CHST9: variants seen among roughly 807,000 people sequenced by gnomAD.
The protein encoded by CHST9 is GalNAc-4-sulfotransferase 2.
In CHST9, 41 loss-of-function variants were observed where a neutral mutation model predicts 44.4. The observed-to-expected ratio is 0.92, with a 90% CI of 0.72 to 1.20. The LOEUF (loss-of-function observed/expected upper bound fraction) is 1.20, where lower values mean the gene tolerates loss of function less well. CHST9 is among the 50% of genes most tolerant of loss of function. CHST9 has a pLI of 0.00. For synonymous variants in CHST9, 171 were observed against 178.4 expected (o/e 0.96, Z 0.33); for missense variants, 504 against 516.5 (o/e 0.98, Z 0.23).
At chr18:27,025,824 G>A (rs1410077102) in intron 3 of CHST9, among the ~76,000 whole-genome samples, 2 of 152,108 alleles carry the variant, frequency 1.3e-5, no homozygotes, top group African/African-American at 4.8e-5. Context: ...TCATGGCTTA[G>A]TGATAAGAAT....
chr18:26,965,759 T>A (rs986677409), intron 4 of CHST9, among the ~76,000 whole-genome samples: 1 of 152,134 alleles, frequency 6.6e-6, no homozygotes, highest in African/African-American at 2.4e-5. Context: ...GAGTTAAGGG[T>A]AAGAAGATCT....
chr18:27,149,292 T>C (rs946369269), intron 1 of CHST9, among the ~76,000 whole-genome samples: 30 of 152,080 alleles, frequency 2.0e-4, no homozygotes, highest in African/African-American at 7.2e-4. Context: ...TTAGCTTTTG[T>C]TGCCATTGCT....
At chr18:27,043,617 C>A (rs2057468761) in intron 3 of CHST9, among the ~76,000 whole-genome samples, 1 of 151,986 alleles carries the variant, frequency 6.6e-6, no homozygotes, top group Admixed American at 6.6e-5. Flanking sequence ...AGTAAAGACA[C>A]CTCAGACCTT....
chr18:27,011,093 C>T (rs551483191), intron 4 of CHST9, among the ~76,000 whole-genome samples: 3 of 152,076 alleles, frequency 2.0e-5, no homozygotes, highest in Non-Finnish European at 4.4e-5. Context: ...ATAAGGAGGA[C>T]TTGAAGCCAC....
intron 4 of CHST9, among the ~76,000 whole-genome samples, chr18:27,014,926 T>C (rs1424174376): frequency 6.6e-6 from 1 of 152,172 alleles, no homozygotes; most frequent in Non-Finnish European, 1.5e-5. Flanking sequence ...TTTTTGCTTA[T>C]TTCTTTATCA....
At chr18:26,996,283 T>C (rs539040310) in intron 4 of CHST9, among the ~76,000 whole-genome samples, 44 of 152,298 alleles carry the variant, frequency 2.9e-4, no homozygotes, top group African/African-American at 1.0e-3. Context: ...ATTGGAAGGC[T>C]TTAGACACAC....
chr18:27,164,203 A>C (rs2058771780), intron 1 of CHST9, among the ~76,000 whole-genome samples: 1 of 152,198 alleles, frequency 6.6e-6, no homozygotes, highest in Non-Finnish European at 1.5e-5. Flanking sequence ...AAACAAAACA[A>C]AGTAAAACCA....
chr18:26,989,901 G>C, intron 4 of CHST9, among the ~76,000 whole-genome samples: 1 of 152,162 alleles, frequency 6.6e-6, no homozygotes, highest in Admixed American at 6.5e-5. Flanking sequence ...AGTGAGCCAA[G>C]ATCATGCCAC....
At chr18:27,132,322 G>A (rs1014673225) in intron 2 of CHST9, among the ~76,000 whole-genome samples, 3 of 152,160 alleles carry the variant, frequency 2.0e-5, no homozygotes, top group Non-Finnish European at 2.9e-5. Flanking sequence ...ACAAAATACT[G>A]TATTGCAAAA....
At chr18:27,111,144 C>G (rs2058267617) in intron 2 of CHST9, among the ~76,000 whole-genome samples, 1 of 152,176 alleles carries the variant, frequency 6.6e-6, no homozygotes. Flanking sequence ...GAGAACAAAC[C>G]TTATTTGTAG....
chr18:27,142,640 A>G, intron 2 of CHST9, 49 bp downstream of exon 2: 1 of 1,310,766 alleles, frequency 7.6e-7, no homozygotes, highest in Non-Finnish European at 1.0e-6. Context: ...TAATTTAAAA[A>G]TAGCTATTAT....
chr18:27,013,195 A>G (rs938354668), intron 4 of CHST9, among the ~76,000 whole-genome samples: 1 of 152,250 alleles, frequency 6.6e-6, no homozygotes, highest in Non-Finnish European at 1.5e-5. Context: ...AGTGGTATCC[A>G]TAGTTTCTCA....
At chr18:27,122,919 T>C (rs182666056) in intron 2 of CHST9, among the ~76,000 whole-genome samples, 2 of 152,288 alleles carry the variant, frequency 1.3e-5, no homozygotes, top group African/African-American at 4.8e-5. Flanking sequence ...GAAGGAAACT[T>C]GAACAACTCC....
chr18:26,941,210 C>T (rs1054336237), intron 5 of CHST9, among the ~76,000 whole-genome samples: 3 of 152,242 alleles, frequency 2.0e-5, no homozygotes, highest in African/African-American at 7.2e-5. Context: ...TGAGGGCAAG[C>T]GTTTCTCGTA....
intron 4 of CHST9, among the ~76,000 whole-genome samples, chr18:27,000,861 T>C (rs1346072068): frequency 6.6e-6 from 1 of 152,178 alleles, no homozygotes; most frequent in Admixed American, 6.5e-5. Context: ...TTTCCAAAGT[T>C]GTGTATATAG....
chr18:27,172,957 G>A (rs1032712089), intron 1 of CHST9, among the ~76,000 whole-genome samples: 4 of 151,858 alleles, frequency 2.6e-5, no homozygotes, highest in Non-Finnish European at 5.9e-5. Flanking sequence ...ATATCTGCAG[G>A]AGCCCTAAAT....
chr18:27,026,048 T>C (rs2057281598), intron 3 of CHST9, among the ~76,000 whole-genome samples: 1 of 152,222 alleles, frequency 6.6e-6, no homozygotes, highest in Non-Finnish European at 1.5e-5. Context: ...AATATTGCTT[T>C]TAAGCTATCT....
At chr18:27,010,263 T>C (rs1188378485) in intron 4 of CHST9, among the ~76,000 whole-genome samples, 1 of 152,194 alleles carries the variant, frequency 6.6e-6, no homozygotes, top group Non-Finnish European at 1.5e-5. Flanking sequence ...GTCACTCTCA[T>C]GGTCTATGTT....
At chr18:27,063,130 AGG>A (rs2057744967) in intron 2 of CHST9, among the ~76,000 whole-genome samples, 1 of 152,178 alleles carries the variant, frequency 6.6e-6, no homozygotes, top group Admixed American at 6.5e-5. Flanking sequence ...AGGGGAAAGA[AGG>A]GGGAAATATT....
Sources: allele counts gnomAD v4.1 joint callset (sites outside exome capture counted in the v4.1 genomes callset), GRCh38; gene constraint gnomAD v4.1.1; transcripts MANE v1.5; gene names NCBI Gene and HGNC (gene_info 2026-07-23, HGNC 2026-07-21).